Variants in CFAP20DC observed in about 807,000 individuals in gnomAD.
CFAP20DC encodes protein CFAP20DC.
Under a neutral mutation model 101.7 loss-of-function variants are expected in CFAP20DC, and 84 were observed. That is an observed-to-expected ratio of 0.83 (90% CI 0.69 to 0.99). The LOEUF (loss-of-function observed/expected upper bound fraction) is 0.99. CFAP20DC is among the 50% of genes least tolerant of loss of function. CFAP20DC has a pLI of 0.00. For synonymous variants in CFAP20DC, 359 were observed against 351.2 expected (o/e 1.02, Z -0.25); for missense variants, 1,007 against 970.3 (o/e 1.04, Z -0.50).
chr3:58,749,181 A>T (rs2068403168), intron 16 of CFAP20DC, among the ~76,000 whole-genome samples: 1 of 152,170 alleles, frequency 6.6e-6, no homozygotes, highest in South Asian at 2.1e-4. Flanking sequence ...TTCACTCATC[A>T]AATATTTATG....
chr3:58,961,388 T>G (rs2091122295), intron 4 of CFAP20DC, among the ~76,000 whole-genome samples: 1 of 152,154 alleles, frequency 6.6e-6, no homozygotes, highest in African/African-American at 2.4e-5. Context: ...ACCCCGTCTC[T>G]ACTAAAAGTA....
intron 13 of CFAP20DC, among the ~76,000 whole-genome samples, chr3:58,843,348 G>A (rs1252305105): frequency 6.6e-6 from 1 of 152,052 alleles, no homozygotes; most frequent in East Asian, 1.9e-4. Context: ...ACCAAGGCTC[G>A]AGAACTACGT....
In CFAP20DC at chr3:58,799,783, C is replaced by G. The variant is rs889827581; in HGVS notation, c.2237+6612G>C. Among the ~76,000 whole-genome samples, 6 of 149,492 alleles carry G rather than the reference C, an allele frequency of 4.0e-5. No homozygotes were observed. Among genetic ancestry groups the G allele is most frequent in the Admixed American group, 4.0e-4 (6 of 14,990 alleles). On this transcript the variant is annotated intron_variant, in intron 15 of 16. Transcript: ENST00000482387. The surrounding 1 kb of genome is among the most constrained non-coding windows in gnomAD (Gnocchi z 4.9). ...TGTGTGTGTGTAGAAAACAGACAAA[C>G]AAGGAAACATCAGTTAGTGGAATAA...
chr3:58,960,831 C>A (rs2091073118), intron 4 of CFAP20DC, among the ~76,000 whole-genome samples: 1 of 151,994 alleles, frequency 6.6e-6, no homozygotes, highest in South Asian at 2.1e-4. Flanking sequence ...TGAATGAAGT[C>A]ATCCTTGTTT....
chr3:58,726,036 G>A (rs2067545082), intron 3 of CFAP20DC: 1 of 152,488 alleles, frequency 6.6e-6, no homozygotes, highest in African/African-American at 2.4e-5. Flanking sequence ...TTCAAGCTAA[G>A]CTGGGAAAGA....
chr3:58,923,830 C>T (rs2085655414), intron 5 of CFAP20DC, among the ~76,000 whole-genome samples: 1 of 152,084 alleles, frequency 6.6e-6, no homozygotes, highest in Non-Finnish European at 1.5e-5. Context: ...TCTTCTCTTA[C>T]TCTCTCTCTG....
At chr3:58,988,798 A>G (rs1436176168) in intron 4 of CFAP20DC, among the ~76,000 whole-genome samples, 2 of 152,144 alleles carry the variant, frequency 1.3e-5, no homozygotes, top group African/African-American at 4.8e-5. Flanking sequence ...AATCACTGTC[A>G]TTTAAAAATA....
intron 13 of CFAP20DC, among the ~76,000 whole-genome samples, chr3:58,833,023 AC>A (rs2076502272): frequency 1.3e-5 from 2 of 152,334 alleles, no homozygotes; most frequent in South Asian, 2.1e-4. Context: ...TTATATCTCT[AC>A]ATACACTTTC....
intron 7 of CFAP20DC, among the ~76,000 whole-genome samples, chr3:58,876,682 T>C (rs897671210): frequency 3.9e-5 from 6 of 152,210 alleles, no homozygotes; most frequent in Non-Finnish European, 8.8e-5. Context: ...CATTCATTTT[T>C]GTCTCAAGAT....
chr3:58,719,170 G>A lies in CFAP20DC; in HGVS notation c.198-1542C>T, dbSNP rs544246430. 1.3e-3 allele frequency among the ~76,000 whole-genome samples: 191 copies of A among 152,294 alleles called. 1 individual carries two copies. Among genetic ancestry groups the A allele is most frequent in the Non-Finnish European group, 2.1e-3 (146 of 68,022 alleles). ...GAGTAGGAGGATTGCTTAAGCTGGG[G>A]AGGTAGAGACTGCAATGAGCCATGA... On this transcript the variant is annotated intron_variant, in intron 3 of 3. Transcript: ENST00000486145.
At chr3:58,844,609 A>G (rs1164047823) in intron 13 of CFAP20DC, among the ~76,000 whole-genome samples, 8 of 116,724 alleles carry the variant, frequency 6.9e-5, no homozygotes, top group Non-Finnish European at 3.3e-5. Flanking sequence ...TCAACGAGAC[A>G]GAAAGTCAAC....
chr3:58,927,629 C>G (rs769589762), intron 5 of CFAP20DC, among the ~76,000 whole-genome samples: 2 of 152,192 alleles, frequency 1.3e-5, no homozygotes, highest in African/African-American at 2.4e-5. Flanking sequence ...TTTATAAGTG[C>G]TAGCTGAAAT....
intron 4 of CFAP20DC, among the ~76,000 whole-genome samples, chr3:58,959,980 T>C (rs1195525789): frequency 6.6e-6 from 1 of 152,230 alleles, no homozygotes; most frequent in East Asian, 1.9e-4. Flanking sequence ...TCTGGTTTTT[T>C]TTCTTGATTC....
At chr3:58,936,054 A>G (rs2087542482) in intron 5 of CFAP20DC, among the ~76,000 whole-genome samples, 3 of 152,276 alleles carry the variant, frequency 2.0e-5, no homozygotes, top group Middle Eastern at 6.8e-3. Flanking sequence ...CAGAATCTAC[A>G]ATGAACTCAA....
intron 4 of CFAP20DC, among the ~76,000 whole-genome samples, chr3:58,972,357 A>G (rs553954595): frequency 8.1e-4 from 124 of 152,296 alleles, no homozygotes; most frequent in Non-Finnish European, 1.5e-3. Flanking sequence ...TGACAGCTCA[A>G]TGCTATAATA....
intron 5 of CFAP20DC, among the ~76,000 whole-genome samples, chr3:58,930,710 T>C (rs2086523528): frequency 6.6e-6 from 1 of 152,220 alleles, no homozygotes. Context: ...ATGTTGTATT[T>C]TGGGAAAATT....
rs576237111 is a variant in CFAP20DC, at chr3:58,912,585, G to A, written c.550+1123C>T. 1.0e-5 allele frequency: 4 copies of A among 381,368 alleles called. No homozygotes were observed. Among genetic ancestry groups the A allele is most frequent in the Non-Finnish European group, 2.0e-5 (4 of 195,498 alleles). The allele number at this position is 381,368 out of a possible 1,614,324, so 23.6% of individuals were successfully genotyped here. ...AATCACCTTTGACATCTTATATGCA[G>A]CCCTGCTTCCTGGACTTCTAGAAGA... is the stretch of plus-strand genomic sequence containing the variant. On this transcript the variant is annotated intron_variant, in intron 6 of 16. Coordinates refer to ENST00000482387, the MANE Select transcript of CFAP20DC (RefSeq NM_001394063.1). This position sits in a 1 kb window ranked among gnomAD's most constrained non-coding sequence, Gnocchi z 4.4.
At chr3:59,031,107 C>G (rs999547867) in intron 4 of CFAP20DC, among the ~76,000 whole-genome samples, 3 of 152,198 alleles carry the variant, frequency 2.0e-5, no homozygotes, top group African/African-American at 4.8e-5. Flanking sequence ...CAGGCTTGAG[C>G]CGCCGTGCCT....
intron 4 of CFAP20DC, among the ~76,000 whole-genome samples, chr3:58,994,877 G>A (rs2093062527): frequency 6.6e-6 from 1 of 151,908 alleles, no homozygotes; most frequent in African/African-American, 2.4e-5. Context: ...TCCGGCAGGT[G>A]AGGGAAGAAG....
Sources: gnomAD v4.1 joint callset for allele counts (sites outside exome capture counted in the v4.1 genomes callset) on GRCh38, gnomAD v4.1.1 for gene constraint, Gnocchi (gnomAD v3.1) non-coding constraint, MANE v1.5 for transcripts, NCBI Gene and HGNC (gene_info 2026-07-23, HGNC 2026-07-21) for gene names.